NR3C2: variants seen among roughly 807,000 people sequenced by gnomAD.
NR3C2 encodes nuclear receptor subfamily 3 group C member 2.
In NR3C2, 15 loss-of-function variants were observed where a neutral mutation model predicts 86.4. That is an observed-to-expected ratio of 0.17 (90% CI 0.12 to 0.27). The LOEUF (loss-of-function observed/expected upper bound fraction) is 0.27, where lower values mean the gene tolerates loss of function less well. Ranked by LOEUF, NR3C2 falls within the 10% of genes least tolerant of loss-of-function variation. The pLI, the probability that NR3C2 is intolerant of heterozygous loss-of-function variation, is 1.00. For synonymous variants in NR3C2, 458 were observed against 450.5 expected (o/e 1.02, Z -0.21); for missense variants, 960 against 1,195.6 (o/e 0.80, Z 2.91).
intron 2 of NR3C2, among the ~76,000 whole-genome samples, chr4:148,279,068 C>T (rs1276109881): frequency 2.0e-5 from 3 of 152,084 alleles, no homozygotes; most frequent in Non-Finnish European, 4.4e-5. Flanking sequence ...GAGGCTAAGG[C>T]AGGAGAATTG....
chr4:148,395,799 C>T (rs1462455437), intron 2 of NR3C2, among the ~76,000 whole-genome samples: 2 of 152,154 alleles, frequency 1.3e-5, no homozygotes, highest in African/African-American at 2.4e-5. Context: ...GCAAAGAACA[C>T]TAAATATATC....
intron 2 of NR3C2, among the ~76,000 whole-genome samples, chr4:148,376,471 T>A (rs893230796): frequency 6.6e-6 from 1 of 152,194 alleles, no homozygotes; most frequent in Admixed American, 6.5e-5. Flanking sequence ...AATAGACCCT[T>A]TCCTTTTTAC....
At chr4:148,241,243 T>C (rs906491517) in intron 3 of NR3C2, among the ~76,000 whole-genome samples, 1 of 130,372 alleles carries the variant, frequency 7.7e-6, no homozygotes, top group Non-Finnish European at 1.5e-5. Context: ...GAGGCAGAGG[T>C]TGCAGTGAGC....
In NR3C2 at chr4:148,343,466, T is replaced by C. The variant is rs529366041; in HGVS notation, c.1758-83349A>G. On this transcript the variant is annotated intron_variant, in intron 2 of 8. Coordinates refer to ENST00000358102, the MANE Select transcript of NR3C2 (RefSeq NM_000901.5). The stretch of plus-strand genomic sequence containing the variant: ...AAGGGCAGAGAGGTTAGAATACTGG[T>C]TAACCTGTTCCCCAGGATGCCCATT... Among the ~76,000 whole-genome samples, 78 of 148,608 alleles carry C rather than the reference T, an allele frequency of 5.2e-4. 1 individual carries two copies. The South Asian group carries it at 0.014, about 27-fold the overall frequency.
chr4:148,372,070 G>A (rs564267288), intron 2 of NR3C2, among the ~76,000 whole-genome samples: 12 of 151,868 alleles, frequency 7.9e-5, no homozygotes, highest in South Asian at 6.2e-4. Flanking sequence ...TAATTTTAGC[G>A]GACTCTAAAA....
chr4:148,193,741 C>T (rs1173301831), intron 4 of NR3C2, among the ~76,000 whole-genome samples: 1 of 152,150 alleles, frequency 6.6e-6, no homozygotes, highest in Non-Finnish European at 1.5e-5. Context: ...GTCTTCTCTA[C>T]TTGGAGAGTA....
intron 2 of NR3C2, among the ~76,000 whole-genome samples, chr4:148,434,172 T>C (rs749975913): frequency 1.3e-5 from 2 of 152,174 alleles, no homozygotes; most frequent in African/African-American, 2.4e-5. Flanking sequence ...GAATGAACTA[T>C]ACTAAGGAAA....
intron 7 of NR3C2, among the ~76,000 whole-genome samples, chr4:148,115,478 A>G (rs1487005492): frequency 6.6e-6 from 1 of 152,204 alleles, no homozygotes; most frequent in Non-Finnish European, 1.5e-5. Flanking sequence ...TGATTTTGAA[A>G]CTGCTCTTAC....
At chr4:148,290,897 A>G (rs1050325207) in intron 2 of NR3C2, among the ~76,000 whole-genome samples, 2 of 152,180 alleles carry the variant, frequency 1.3e-5, no homozygotes, top group African/African-American at 4.8e-5. Flanking sequence ...TCTGTTCTAT[A>G]TTTGAAAAAT....
At chr4:148,334,499 G>A (rs1343127617) in intron 2 of NR3C2, among the ~76,000 whole-genome samples, 2 of 152,250 alleles carry the variant, frequency 1.3e-5, no homozygotes, top group Admixed American at 1.3e-4. Flanking sequence ...CGGAGATCGC[G>A]CCACTGCACT....
chr4:148,273,078 C>A (rs1049576116), intron 2 of NR3C2, among the ~76,000 whole-genome samples: 1 of 152,144 alleles, frequency 6.6e-6, no homozygotes, highest in Non-Finnish European at 1.5e-5. Context: ...TGACCACCCA[C>A]CACAAAGATA....
intron 6 of NR3C2, among the ~76,000 whole-genome samples, chr4:148,136,075 A>G (rs1175824560): frequency 2.4e-5 from 1 of 42,000 alleles, no homozygotes; most frequent in East Asian, 2.0e-3. Context: ...AAAAAAAAAA[A>G]ACAAAAAAAA....
At chr4:148,347,824 T>G (rs112796345) in intron 2 of NR3C2, among the ~76,000 whole-genome samples, 1 of 151,990 alleles carries the variant, frequency 6.6e-6, no homozygotes, top group African/African-American at 2.4e-5. Flanking sequence ...ACTGCACCAC[T>G]GTAGCAGCGG....
At chr4:148,351,149 TTTTC>T (rs1745251739) in intron 2 of NR3C2, among the ~76,000 whole-genome samples, 1 of 152,178 alleles carries the variant, frequency 6.6e-6, no homozygotes, top group Admixed American at 6.5e-5. Flanking sequence ...CTGTCTTTTC[TTTTC>T]TTTTCTTTTT....
intron 8 of NR3C2, among the ~76,000 whole-genome samples, chr4:148,099,081 A>G (rs1731420720): frequency 6.6e-6 from 1 of 152,144 alleles, no homozygotes. Context: ...AAGGTGTTCT[A>G]CCCATTGCAA....
chr4:148,237,905 C>G (rs1738826154), intron 3 of NR3C2, among the ~76,000 whole-genome samples: 1 of 152,050 alleles, frequency 6.6e-6, no homozygotes, highest in African/African-American at 2.4e-5. Flanking sequence ...AATACTGGTT[C>G]TGACAGTTTA....
intron 3 of NR3C2, among the ~76,000 whole-genome samples, chr4:148,202,297 C>G (rs536133231): frequency 6.6e-6 from 1 of 152,206 alleles, no homozygotes; most frequent in Admixed American, 6.5e-5. Flanking sequence ...GGAGGAAGCT[C>G]CAAGATGCTA....
intron 3 of NR3C2, among the ~76,000 whole-genome samples, chr4:148,259,383 T>G (rs912094419): frequency 8.5e-5 from 13 of 152,152 alleles, no homozygotes; most frequent in African/African-American, 2.9e-4. Context: ...GAGTACGATT[T>G]TGGGGCAGAA....
At chr4:148,342,093 G>A (rs554840015) in intron 2 of NR3C2, among the ~76,000 whole-genome samples, 26 of 152,272 alleles carry the variant, frequency 1.7e-4, no homozygotes, top group African/African-American at 6.3e-4. Flanking sequence ...GGGAGGGGTT[G>A]CTGAAGACAG....
Sources: allele counts gnomAD v4.1 joint callset (sites outside exome capture counted in the v4.1 genomes callset), GRCh38; gene constraint gnomAD v4.1.1; transcripts MANE v1.5; gene names NCBI Gene and HGNC (gene_info 2026-07-23, HGNC 2026-07-21).